Variants in EYS observed in about 807,000 individuals in gnomAD.
The protein encoded by EYS is protein eyes shut homolog.
Under a neutral mutation model 282.1 loss-of-function variants are expected in EYS, and 250 were observed. The ratio of observed to expected loss-of-function variants is 0.89; its 90% CI spans 0.80 to 0.98. The LOEUF (loss-of-function observed/expected upper bound fraction) is 0.98, where lower values mean the gene tolerates loss of function less well. EYS is among the 50% of genes least tolerant of loss of function. The pLI, the probability that EYS is intolerant of heterozygous loss-of-function variation, is 0.00. For synonymous variants in EYS, 1,355 were observed against 1,282.9 expected (o/e 1.06, Z -1.20); for missense variants, 4,016 against 3,709.0 (o/e 1.08, Z -2.15).
intron 24 of EYS, among the ~76,000 whole-genome samples, chr6:64,607,866 G>C (rs940690399): frequency 1.3e-5 from 2 of 151,962 alleles, no homozygotes; most frequent in African/African-American, 4.8e-5. Context: ...ATGAATAAGC[G>C]ACCAACATCT....
chr6:64,037,928 C>G (rs1454164951), intron 33 of EYS, among the ~76,000 whole-genome samples: 1 of 152,116 alleles, frequency 6.6e-6, no homozygotes. Context: ...CATATAGATA[C>G]TTAAATTGTA....
chr6:64,028,485 G>T lies in EYS; in HGVS notation c.6726-29302C>A, dbSNP rs143337035. On this transcript the variant is annotated intron_variant, in intron 33 of 42. Transcript: ENST00000503581. ...TGAGGCAGTAATTCCTCTATATCCAGTTGTACCCAACCCCTATATCCTGCT... is the reference window on the plus strand; with the variant it reads ...TGAGGCAGTAATTCCTCTATATCCATTTGTACCCAACCCCTATATCCTGCT... 9.1e-3 allele frequency among the ~76,000 whole-genome samples: 1,386 copies of T among 152,292 alleles called. 24 individuals carry two copies. The highest frequency in any genetic ancestry group is 0.031 in the African/African-American group (1,285 of 41,554).
chr6:64,535,775 C>A (rs547663368), intron 26 of EYS, among the ~76,000 whole-genome samples: 1 of 152,014 alleles, frequency 6.6e-6, no homozygotes, highest in South Asian at 2.1e-4. Context: ...CAATTAAATT[C>A]ATTAAAACAT....
intron 31 of EYS, among the ~76,000 whole-genome samples, chr6:64,117,669 C>A (rs1436356307): frequency 6.6e-6 from 1 of 151,388 alleles, no homozygotes; most frequent in Non-Finnish European, 1.5e-5. Context: ...AAAAAAAATT[C>A]TTACTCAACA....
chr6:65,095,776 T>C (rs1333670125), intron 12 of EYS, among the ~76,000 whole-genome samples: 6 of 151,156 alleles, frequency 4.0e-5, no homozygotes, highest in Non-Finnish European at 7.4e-5. Context: ...TCTCAAAAAC[T>C]ATGCATAGAC....
intron 37 of EYS, among the ~76,000 whole-genome samples, chr6:63,789,839 A>G (rs2149671266): frequency 6.6e-6 from 1 of 152,342 alleles, no homozygotes; most frequent in Non-Finnish European, 1.5e-5. Context: ...CTCAGGAGAC[A>G]GTTCTTAAAG....
intron 42 of EYS, among the ~76,000 whole-genome samples, chr6:63,724,345 A>G (rs1768531582): frequency 6.6e-6 from 1 of 152,208 alleles, no homozygotes; most frequent in Admixed American, 6.5e-5. Context: ...AGACTACAGA[A>G]TCAGCATATC....
chr6:63,802,486 G>A (rs79384402), intron 37 of EYS, among the ~76,000 whole-genome samples: 3,006 of 151,454 alleles, frequency 0.02, 46 homozygotes, highest in Middle Eastern at 0.041. Context: ...ACAAATATTA[G>A]TTGCATAAAA....
At chr6:65,030,427 G>A (rs989136228) in intron 13 of EYS, among the ~76,000 whole-genome samples, 1 of 152,048 alleles carries the variant, frequency 6.6e-6, no homozygotes, top group Non-Finnish European at 1.5e-5. Flanking sequence ...ACACCACTAT[G>A]CTGGCACACA....
intron 35 of EYS, among the ~76,000 whole-genome samples, chr6:63,882,949 G>A (rs975700090): frequency 1.3e-5 from 2 of 152,150 alleles, no homozygotes; most frequent in African/African-American, 4.8e-5. Flanking sequence ...GATCATGTAG[G>A]ATGTCTTTGA....
chr6:64,333,255 C>T (rs1453671732), intron 29 of EYS, among the ~76,000 whole-genome samples: 5 of 152,104 alleles, frequency 3.3e-5, no homozygotes, highest in Non-Finnish European at 7.4e-5. Flanking sequence ...CCCACAGAAA[C>T]TGGGGTCGGC....
intron 2 of EYS, among the ~76,000 whole-genome samples, chr6:65,588,206 T>C (rs1186761878): frequency 6.6e-6 from 1 of 152,120 alleles, no homozygotes; most frequent in African/African-American, 2.4e-5. Context: ...CACATATTTT[T>C]GTATTGTGTT....
intron 32 of EYS, among the ~76,000 whole-genome samples, chr6:64,071,239 T>G (rs575569167): frequency 1.6e-3 from 242 of 151,998 alleles, no homozygotes; most frequent in Non-Finnish European, 2.5e-3. Flanking sequence ...AGAAAATAAT[T>G]TAATATTTAG....
intron 12 of EYS, among the ~76,000 whole-genome samples, chr6:65,236,748 C>T (rs931904291): frequency 5.9e-5 from 9 of 152,084 alleles, no homozygotes; most frequent in African/African-American, 1.7e-4. Flanking sequence ...CTTTCATGTA[C>T]TATGACTATA....
Position 63,721,082 on chromosome 6 carries a change from G to A in EYS, c.8949C>T (p.Ser2983=), listed in dbSNP as rs1768364461. ...RMRNLQFTTI[S]LNFSTTKTEG... ...CTGTTTTAGTGGTACTGAAATTTAAGGATATAGTAGTGAACTGGAGGTTTC... is the reference window on the plus strand; with the variant it reads ...CTGTTTTAGTGGTACTGAAATTTAAAGATATAGTAGTGAACTGGAGGTTTC... Residue 2983 remains serine, a synonymous_variant, in exon 43 of 43, where the codon TCC becomes TCT. Coordinates refer to ENST00000503581, the MANE Select transcript of EYS (RefSeq NM_001142800.2). The A allele has an allele frequency of 6.4e-7, 1 of 1,551,214 alleles. No individual in the cohort carries two copies. Among genetic ancestry groups the A allele is most frequent in the Admixed American group, 2.0e-5 (1 of 50,962 alleles).
chr6:64,218,324 T>C (rs1303383704), intron 31 of EYS, among the ~76,000 whole-genome samples: 1 of 151,682 alleles, frequency 6.6e-6, no homozygotes, highest in Non-Finnish European at 1.5e-5. Context: ...CTTTGAGATT[T>C]ATTGTATCTC....
chr6:65,106,103 G>T (rs2150185917), intron 12 of EYS, among the ~76,000 whole-genome samples: 1 of 152,056 alleles, frequency 6.6e-6, no homozygotes. Context: ...TTCTGGAATT[G>T]ACCTTTCATT....
chr6:65,219,914 T>C (rs1172077403), intron 12 of EYS, among the ~76,000 whole-genome samples: 1 of 152,038 alleles, frequency 6.6e-6, no homozygotes, highest in Non-Finnish European at 1.5e-5. Flanking sequence ...TGGGGAAAAC[T>C]GCCCCCATGA....
intron 18 of EYS, among the ~76,000 whole-genome samples, chr6:64,887,194 A>G (rs1767120467): frequency 6.8e-6 from 1 of 147,420 alleles, no homozygotes; most frequent in Non-Finnish European, 1.5e-5. Context: ...AAAACCAAAC[A>G]CCGCATGTTC....
Sources: allele counts gnomAD v4.1 joint callset (sites outside exome capture counted in the v4.1 genomes callset), GRCh38; gene constraint gnomAD v4.1.1; transcripts MANE v1.5; gene names NCBI Gene and HGNC (gene_info 2026-07-23, HGNC 2026-07-21).